The following PCDHA11 variants were observed in gnomAD, a reference collection of about 807,000 sequenced individuals.
PCDHA11 encodes the protein protocadherin alpha 11, also known as protocadherin alpha-11.
In PCDHA11, 61 loss-of-function variants were observed where a neutral mutation model predicts 70.3. The ratio of observed to expected loss-of-function variants is 0.87; its 90% CI spans 0.71 to 1.07. The LOEUF is 1.07. PCDHA11 is among the 50% of genes least tolerant of loss of function. The probability of loss-of-function intolerance (pLI) is 0.00; values close to 1 mark genes in which losing one functional copy is unlikely to be tolerated. For synonymous variants in PCDHA11, 633 were observed against 555.1 expected (o/e 1.14, Z -1.97); for missense variants, 1,324 against 1,237.5 (o/e 1.07, Z -1.05).
intron 1 of PCDHA11, among the ~76,000 whole-genome samples, chr5:140,946,042 C>T (rs967126849): frequency 4.6e-4 from 70 of 152,118 alleles, no homozygotes; most frequent in African/African-American, 1.6e-3. Flanking sequence ...AGTGAAGGGA[C>T]AATCCACAGA....
rs558490430 is a variant in PCDHA11, at chr5:140,909,702, G to A, written c.2391+38208G>A. ...AGCCAATGTGGGGGTTCTGCTAGCT[G>A]CTAAGTATACCTATGCCAATTATGC... is the stretch of plus-strand genomic sequence containing the variant. On this transcript the variant is annotated intron_variant, in intron 1 of 3. Transcript: ENST00000398640. Among the ~76,000 whole-genome samples the A allele has an allele frequency of 3.3e-5, 5 of 152,302 alleles. No individual in the cohort carries two copies. In the East Asian group the frequency reaches 9.6e-4, roughly 29 times the overall value.
intron 3 of PCDHA11, among the ~76,000 whole-genome samples, chr5:140,992,981 A>T (rs532135754): frequency 5.3e-5 from 8 of 152,232 alleles, no homozygotes; most frequent in Admixed American, 1.3e-4. Flanking sequence ...TGATTAGGCC[A>T]TGGGACCCAT....
intron 1 of PCDHA11, among the ~76,000 whole-genome samples, chr5:140,920,261 A>T (rs535022961): frequency 3.3e-4 from 50 of 152,226 alleles, no homozygotes; most frequent in Non-Finnish European, 2.8e-4. Context: ...TATAATAATT[A>T]TTACTTTATG....
intron 1 of PCDHA11, chr5:140,884,567 A>T (rs1562807924): frequency 6.2e-7 from 1 of 1,614,120 alleles, no homozygotes; most frequent in Non-Finnish European, 8.5e-7. Context: ...CCCGCATAAG[A>T]CGGACCTCAT....
At chr5:140,939,149 C>T (rs2092323339) in intron 1 of PCDHA11, among the ~76,000 whole-genome samples, 1 of 152,124 alleles carries the variant, frequency 6.6e-6, no homozygotes, top group South Asian at 2.1e-4. Flanking sequence ...GATCAAGGTC[C>T]TGGCAGATTT....
rs200485559 is a variant in PCDHA11, at chr5:140,869,501, T to A, written c.398T>A (p.Phe133Tyr). The change falls in exon 1 of 4, where the codon TTC (phenylalanine) becomes TAC (tyrosine). Residue 133 changes from phenylalanine (F) to tyrosine (Y), a missense_variant. Transcript: ENST00000398640. ...VKDINDNPPV[F>Y]SLREQKLLIA... ...GACATTAACGACAACCCGCCGGTGT[T>A]CTCGCTCAGAGAACAAAAGCTGCTG... is the stretch of plus-strand genomic sequence containing the variant. 6.2e-7 allele frequency: 1 copy of A among 1,614,192 alleles called. No individual in the cohort carries two copies. Among genetic ancestry groups the A allele is most frequent in the Admixed American group, 1.7e-5 (1 of 60,024 alleles).
chr5:140,982,538 G>C lies in PCDHA11; in HGVS notation c.2514G>C (p.Trp838Cys), dbSNP rs782094765. The change falls in exon 3 of 4, where the codon TGG becomes TGC. Residue 838 changes from tryptophan to cysteine, a missense_variant. Coordinates refer to ENST00000398640, the MANE Select transcript of PCDHA11 (RefSeq NM_018902.5). ...GTCCAGGAGGGCCTGATCAGCAGTG[G>C]CCAACAGTATCCAGTGCAACACCAG... ...RAGPGGPDQQ[W>C]PTVSSATPEP... 1 of 1,614,166 alleles carries C rather than the reference G, an allele frequency of 6.2e-7. No individual in the cohort carries two copies.
intron 1 of PCDHA11, among the ~76,000 whole-genome samples, chr5:140,962,298 A>T (rs2095671297): frequency 6.6e-6 from 1 of 152,204 alleles, no homozygotes; most frequent in South Asian, 2.1e-4. Context: ...ATATTCTATG[A>T]TTCTTGTTAG....
intron 1 of PCDHA11, among the ~76,000 whole-genome samples, chr5:140,916,248 T>C (rs2077492943): frequency 6.6e-6 from 1 of 152,180 alleles, no homozygotes; most frequent in Admixed American, 6.5e-5. Flanking sequence ...AGCCTGGACT[T>C]GGGGACCCCA....
At chr5:140,999,486 A>G (rs1282748321) in intron 3 of PCDHA11, among the ~76,000 whole-genome samples, 1 of 152,144 alleles carries the variant, frequency 6.6e-6, no homozygotes, top group Non-Finnish European at 1.5e-5. Context: ...ACTCAAGTCT[A>G]TGTTACCCAA....
At chr5:140,957,855 T>TC (rs1398127159) in intron 1 of PCDHA11, among the ~76,000 whole-genome samples, 1 of 151,980 alleles carries the variant, frequency 6.6e-6, no homozygotes, top group Non-Finnish European at 1.5e-5. Context: ...TTTGTGTATT[T>TC]TTTTTCCTAT....
At chr5:140,890,854 T>C (rs1320462436) in intron 1 of PCDHA11, among the ~76,000 whole-genome samples, 1 of 152,232 alleles carries the variant, frequency 6.6e-6, no homozygotes, top group African/African-American at 2.4e-5. Context: ...TTTCTCTTCC[T>C]TACTTCTTGC....
Position 141,010,240 on chromosome 5 carries a change from G to A in PCDHA11, c.*303G>A. The A allele has an allele frequency of 6.4e-7, 1 of 1,551,928 alleles. No homozygotes were observed. The highest frequency in any genetic ancestry group is 8.7e-7 in the Non-Finnish European group (1 of 1,147,042). ...GGCTTCCCAGCCCCGCCAGTGAGAGGTTGGACTCTCTGCCCTGTGCTCCGG... is the reference window on the plus strand; with the variant it reads ...GGCTTCCCAGCCCCGCCAGTGAGAGATTGGACTCTCTGCCCTGTGCTCCGG... On this transcript the variant is annotated 3_prime_UTR_variant, in exon 4 of 4. Coordinates refer to ENST00000398640, the MANE Select transcript of PCDHA11 (RefSeq NM_018902.5).
chr5:140,907,163 T>C (rs1019409387), intron 1 of PCDHA11, among the ~76,000 whole-genome samples: 1 of 152,162 alleles, frequency 6.6e-6, no homozygotes, highest in Non-Finnish European at 1.5e-5. Context: ...TACCATATAT[T>C]GGATGCTGAT....
chr5:141,010,285 C>G lies in PCDHA11; in HGVS notation c.*348C>G, dbSNP rs1214485732. ...CTCCGGGGATCCTGTCTTGATGACA[C>G]TTGCAGGGCAGGCTGAAAAGTTTTG... On this transcript the variant is annotated 3_prime_UTR_variant, in exon 4 of 4. Transcript: ENST00000398640. 1.3e-6 allele frequency: 2 copies of G among 1,550,576 alleles called. No individual in the cohort carries two copies. Among genetic ancestry groups the G allele is most frequent in the Non-Finnish European group, 1.7e-6 (2 of 1,146,690 alleles).
chr5:140,966,068 T>G (rs188069959), intron 1 of PCDHA11: 1 of 153,298 alleles, frequency 6.5e-6, no homozygotes. Context: ...CGCCTCCCCC[T>G]GCGTTGTTTC....
intron 1 of PCDHA11, among the ~76,000 whole-genome samples, chr5:140,916,213 T>A (rs2077480691): frequency 6.6e-6 from 1 of 152,134 alleles, no homozygotes; most frequent in Non-Finnish European, 1.5e-5. Context: ...CTGGGGAAGA[T>A]CCAAATATGC....
intron 1 of PCDHA11, among the ~76,000 whole-genome samples, chr5:140,934,797 T>G (rs1045887352): frequency 2.4e-4 from 36 of 152,236 alleles, no homozygotes; most frequent in Admixed American, 1.4e-3. Context: ...CAATTATCTT[T>G]TTAATGATCA....
intron 1 of PCDHA11, among the ~76,000 whole-genome samples, chr5:140,941,241 T>TTCTTTCTTTCTTTCTTTCTC (rs1585048929): frequency 7.1e-6 from 1 of 140,568 alleles, no homozygotes; most frequent in East Asian, 2.0e-4. Context: ...CTTTCTTTCT[T>TTCTTTCTTTCTTTCTTTCTC]TCTTTCTTTC....
Sources: allele counts gnomAD v4.1 joint callset (sites outside exome capture counted in the v4.1 genomes callset), GRCh38; gene constraint gnomAD v4.1.1; transcripts MANE v1.5; gene names NCBI Gene and HGNC (gene_info 2026-07-23, HGNC 2026-07-21).